The following CTNNA3 variants were observed in gnomAD, a reference collection of about 807,000 sequenced individuals.
CTNNA3 encodes the protein catenin alpha-3.
Under a neutral mutation model 95.7 loss-of-function variants are expected in CTNNA3, and 76 were observed. That is an observed-to-expected ratio of 0.79 (90% CI 0.66 to 0.96). The LOEUF is 0.96. CTNNA3 is among the 40% of genes least tolerant of loss of function. CTNNA3 has a pLI of 0.00. For synonymous variants in CTNNA3, 431 were observed against 374.4 expected, an observed-to-expected ratio of 1.15 and a Z score of -1.74; for missense variants, 1,191 against 1,089.8, an observed-to-expected ratio of 1.09 and a Z score of -1.31.
intron 13 of CTNNA3, among the ~76,000 whole-genome samples, chr10:66,113,995 G>A (rs1418901470): frequency 6.6e-6 from 1 of 152,090 alleles, no homozygotes; most frequent in African/African-American, 2.4e-5. Context: ...TAAAAATGGT[G>A]GTGGCAGCAG....
chr10:67,134,647 C>A lies in CTNNA3; in HGVS notation c.1047+45670G>T, dbSNP rs143507649. Among the ~76,000 whole-genome samples, 171 of 152,186 alleles carry A rather than the reference C, an allele frequency of 1.1e-3. 1 individual carries two copies. The highest frequency in any genetic ancestry group is 4.0e-3 in the African/African-American group (165 of 41,528). ...CATTCAGTTTTATTAAGCTTGTATC[C>A]TAGATATCTGCATCCATTCAGTTTT... On this transcript the variant is annotated intron_variant, in intron 7 of 17. Coordinates refer to ENST00000433211, the MANE Select transcript of CTNNA3 (RefSeq NM_013266.4).
chr10:66,737,640 T>TTTGAATCTAACTTAAAAG (rs1365200201), intron 9 of CTNNA3, among the ~76,000 whole-genome samples: 1 of 152,036 alleles, frequency 6.6e-6, no homozygotes, highest in African/African-American at 2.4e-5. Flanking sequence ...TGGTGCAAAC[T>TTTGAATCTAACTTAAAAG]TTGAATCTAA....
intron 7 of CTNNA3, among the ~76,000 whole-genome samples, chr10:67,000,403 G>T (rs1367800274): frequency 1.3e-5 from 2 of 152,174 alleles, no homozygotes; most frequent in African/African-American, 2.4e-5. Context: ...AAATGCAGGA[G>T]AAATGAAACC....
chr10:67,146,336 CTG>C (rs1193077826), intron 7 of CTNNA3, among the ~76,000 whole-genome samples: 5 of 152,268 alleles, frequency 3.3e-5, no homozygotes. Flanking sequence ...TCCAAACTAA[CTG>C]AGAATATTTT....
intron 12 of CTNNA3, among the ~76,000 whole-genome samples, chr10:66,297,713 C>T (rs898282010): frequency 6.6e-6 from 1 of 152,150 alleles, no homozygotes; most frequent in Non-Finnish European, 1.5e-5. Context: ...GCAGTCACTG[C>T]AACCTTTCAT....
intron 11 of CTNNA3, among the ~76,000 whole-genome samples, chr10:66,408,199 A>T (rs746123432): frequency 1.8e-4 from 28 of 152,174 alleles, no homozygotes; most frequent in Admixed American, 7.2e-4. Context: ...AATTTGTAAA[A>T]TTTTTATTTT....
chr10:66,110,454 G>A (rs1589431196), intron 13 of CTNNA3, among the ~76,000 whole-genome samples: 1 of 151,702 alleles, frequency 6.6e-6, no homozygotes, highest in African/African-American at 2.4e-5. Context: ...AGCAACCTAG[G>A]TGTCTTTCAT....
chr10:66,142,238 G>A (rs2083656150), intron 13 of CTNNA3, among the ~76,000 whole-genome samples: 1 of 152,018 alleles, frequency 6.6e-6, no homozygotes, highest in African/African-American at 2.4e-5. Context: ...ATATCCAGTT[G>A]CTCCAAAACC....
chr10:67,596,465 A>T (rs1365598911), intron 3 of CTNNA3, among the ~76,000 whole-genome samples: 2 of 152,220 alleles, frequency 1.3e-5, no homozygotes, highest in African/African-American at 4.8e-5. Context: ...AGTGGTAACA[A>T]ATTCCCTTAG....
intron 13 of CTNNA3, among the ~76,000 whole-genome samples, chr10:66,243,399 A>G (rs1447764333): frequency 1.3e-5 from 2 of 152,174 alleles, no homozygotes; most frequent in Non-Finnish European, 2.9e-5. Flanking sequence ...CCTCTATTCT[A>G]TCTGAAGCCT....
intron 7 of CTNNA3, among the ~76,000 whole-genome samples, chr10:66,941,713 C>T (rs969078731): frequency 2.0e-5 from 3 of 152,114 alleles, no homozygotes; most frequent in Admixed American, 6.5e-5. Flanking sequence ...CCGCACTGCC[C>T]GTGCCAGCCA....
At chr10:65,969,453 A>G (rs959038981) in intron 16 of CTNNA3, among the ~76,000 whole-genome samples, 1 of 152,192 alleles carries the variant, frequency 6.6e-6, no homozygotes, top group African/African-American at 2.4e-5. Flanking sequence ...GAAATGACAG[A>G]TAAAGAATTT....
chr10:66,523,571 A>G (rs1479334826), intron 10 of CTNNA3, among the ~76,000 whole-genome samples: 3 of 151,792 alleles, frequency 2.0e-5, no homozygotes, highest in African/African-American at 7.3e-5. Context: ...TTCTTCACGT[A>G]AAACTAAAGC....
At chr10:67,762,312 G>A (rs1267213225) in intron 1 of CTNNA3, among the ~76,000 whole-genome samples, 1 of 149,876 alleles carries the variant, frequency 6.7e-6, no homozygotes, top group Non-Finnish European at 1.5e-5. Context: ...AATCACAACT[G>A]TTCTCACAAA....
chr10:66,936,425 CTTCT>C (rs1311619066), intron 7 of CTNNA3, among the ~76,000 whole-genome samples: 1 of 151,956 alleles, frequency 6.6e-6, no homozygotes, highest in African/African-American at 2.4e-5. Flanking sequence ...GCTGACATTC[CTTCT>C]ATTTTCCTAT....
intron 13 of CTNNA3, among the ~76,000 whole-genome samples, chr10:66,245,516 G>C (rs1044012919): frequency 6.6e-6 from 1 of 152,214 alleles, no homozygotes; most frequent in Non-Finnish European, 1.5e-5. Context: ...AGGCAGACAA[G>C]TGGAGGGTAA....
intron 5 of CTNNA3, among the ~76,000 whole-genome samples, chr10:67,381,233 A>G (rs892967076): frequency 2.6e-5 from 4 of 152,226 alleles, no homozygotes; most frequent in African/African-American, 4.8e-5. Flanking sequence ...AGACTTTCAT[A>G]TAACTTTTAG....
At chr10:67,045,544 G>A (rs1392740162) in intron 7 of CTNNA3, among the ~76,000 whole-genome samples, 1 of 152,176 alleles carries the variant, frequency 6.6e-6, no homozygotes, top group Non-Finnish European at 1.5e-5. Context: ...GAAGCAGATA[G>A]TCTACGAATG....
intron 6 of CTNNA3, among the ~76,000 whole-genome samples, chr10:67,201,456 T>C (rs1364282191): frequency 6.6e-6 from 1 of 151,738 alleles, no homozygotes; most frequent in Non-Finnish European, 1.5e-5. Context: ...TCTATTCTTT[T>C]TTTTTTATTA....
Sources: allele counts gnomAD v4.1 joint callset (sites outside exome capture counted in the v4.1 genomes callset), GRCh38; gene constraint gnomAD v4.1.1; transcripts MANE v1.5; gene names NCBI Gene and HGNC (gene_info 2026-07-23, HGNC 2026-07-21).